The following MSH3 variants were observed in gnomAD, a reference collection of about 807,000 sequenced individuals.
MSH3 encodes mutS homolog 3, also known as DNA mismatch repair protein Msh3.
In MSH3, 106 loss-of-function variants were observed where a neutral mutation model predicts 123.3. The observed-to-expected ratio is 0.86, with a 90% CI of 0.73 to 1.01. The LOEUF (loss-of-function observed/expected upper bound fraction) is 1.01, where lower values mean the gene tolerates loss of function less well. Among genes scored for constraint, MSH3 ranks in the 50% least tolerant of loss-of-function variants. The pLI is 0.00. For missense variants in MSH3, 1,459 were observed against 1,347.6 expected (o/e 1.08, Z -1.29); for synonymous variants, 515 against 481.4 (o/e 1.07, Z -0.91).
At chr5:80,723,564 G>T (rs975788980) in intron 8 of MSH3, among the ~76,000 whole-genome samples, 3 of 152,108 alleles carry the variant, frequency 2.0e-5, no homozygotes, top group Non-Finnish European at 4.4e-5. Context: ...CTTAGCTGCT[G>T]TTAAAATGTA....
intron 12 of MSH3, among the ~76,000 whole-genome samples, chr5:80,749,588 T>G (rs1273473295): frequency 6.6e-6 from 1 of 152,172 alleles, no homozygotes; most frequent in Non-Finnish European, 1.5e-5. Context: ...CCAATCAAGT[T>G]GACATTCAGT....
At chr5:80,798,744 G>A (rs1487350255) in intron 19 of MSH3, among the ~76,000 whole-genome samples, 2 of 152,168 alleles carry the variant, frequency 1.3e-5, no homozygotes, top group East Asian at 1.9e-4. Context: ...ACAATGGATA[G>A]AGAAGGACAT....
chr5:80,764,416 C>T (rs938929944), intron 13 of MSH3, among the ~76,000 whole-genome samples: 2 of 151,862 alleles, frequency 1.3e-5, no homozygotes, highest in African/African-American at 4.8e-5. Flanking sequence ...CACTGTGTCA[C>T]CCATGCTGGA....
At chr5:80,802,332 T>C (rs1259513351) in intron 19 of MSH3, among the ~76,000 whole-genome samples, 2 of 152,108 alleles carry the variant, frequency 1.3e-5, no homozygotes, top group Non-Finnish European at 2.9e-5. Context: ...TATACCATAA[T>C]TGCCTTAATA....
At chr5:80,778,979 T>TA in intron 17 of MSH3, 143 bp downstream of exon 17, 7 of 566,352 alleles carry the variant, frequency 1.2e-5, no homozygotes, top group Middle Eastern at 4.8e-4. Context: ...TGATTTTATT[T>TA]CTTTTTTTTT....
chr5:80,787,647 G>C lies in MSH3; in HGVS notation c.2518G>C (p.Val840Leu), dbSNP rs1561478663. 6.2e-7 allele frequency: 1 copy of C among 1,613,758 alleles called. No homozygotes were observed. Among genetic ancestry groups the C allele is most frequent in the Non-Finnish European group, 8.5e-7 (1 of 1,179,730 alleles). Residue 840 changes from valine (V) to leucine (L), a missense_variant, in exon 18 of 24, where the codon GTC becomes CTC. Physicochemically the swap from Val to Leu is conservative, Grantham distance 32. Coordinates refer to ENST00000265081, the MANE Select transcript of MSH3 (RefSeq NM_002439.5). ...TGACTGCATTTTCTCCCTGGCCAAG[G>C]TCGCTAAGCAAGGAGATTACTGCAG... ...TVDCIFSLAK[V>L]AKQGDYCRPT...
chr5:80,811,411 G>A (rs1745004822), intron 19 of MSH3, among the ~76,000 whole-genome samples: 1 of 152,122 alleles, frequency 6.6e-6, no homozygotes, highest in Admixed American at 6.5e-5. Context: ...AACCAACTTT[G>A]TATTCCTCAA....
intron 12 of MSH3, among the ~76,000 whole-genome samples, chr5:80,754,776 C>T (rs1471040764): frequency 6.6e-6 from 1 of 152,110 alleles, no homozygotes; most frequent in Non-Finnish European, 1.5e-5. Context: ...TCAATGTTCT[C>T]TACATTAAAT....
chr5:80,654,877 C>A lies in MSH3; in HGVS notation c.150C>A (p.Gly50=), dbSNP rs774275160. ...GTGCAGCCGACCAGGTGGACCCTGG[C>A]GCTGCAGCGGCTGCAGCGGCCGCAG... The part of the protein sequence containing the change: ...STGAADQVDP[G]AAAAAAAAAA... Residue 50 remains glycine, a synonymous_variant, in exon 1 of 24, where the codon GGC becomes GGA. Coordinates refer to ENST00000265081, the MANE Select transcript of MSH3 (RefSeq NM_002439.5). 3 of 1,500,144 alleles carry A rather than the reference C, an allele frequency of 2.0e-6. No homozygotes were observed. The highest frequency in any genetic ancestry group is 1.7e-4 in the Middle Eastern group (1 of 5,770). 92.9% of individuals were successfully genotyped at this position (1,500,144 alleles called of 1,614,324 possible). A position where few individuals can be genotyped will look rare whatever the true frequency, so the allele number is the denominator to read the frequency against.
chr5:80,818,402 CAAA>C (rs71603566), intron 20 of MSH3, among the ~76,000 whole-genome samples: 4 of 63,828 alleles, frequency 6.3e-5, no homozygotes, highest in South Asian at 7.9e-4. Flanking sequence ...ATAGCAATGA[CAAA>C]AAAAAAAAAA....
In MSH3 at chr5:80,654,664, A is replaced by G; in HGVS notation, c.-64A>G. ...TGCTCGCGCCCGCAGACGCCTGGGA[A>G]CTGCGGCCGCGGGCTCGCGCTCCTC... On this transcript the variant is annotated 5_prime_UTR_variant, in exon 1 of 24. Coordinates refer to ENST00000265081, the MANE Select transcript of MSH3 (RefSeq NM_002439.5). The G allele has an allele frequency of 1.4e-6, 2 of 1,480,516 alleles. No homozygotes were observed. The highest frequency in any genetic ancestry group is 1.8e-6 in the Non-Finnish European group (2 of 1,092,896). 91.7% of individuals were successfully genotyped at this position (1,480,516 alleles called of 1,614,324 possible). A position where few individuals can be genotyped will look rare whatever the true frequency, so the allele number is the denominator to read the frequency against.
At chr5:80,809,176 A>G (rs1040101907) in intron 19 of MSH3, among the ~76,000 whole-genome samples, 78 of 151,946 alleles carry the variant, frequency 5.1e-4, no homozygotes, top group African/African-American at 1.9e-3. Context: ...ATTGTTTTAA[A>G]CTTTACAAAA....
rs558851573 is a variant in MSH3, at chr5:80,837,821, G to A, written c.2814-16309G>A. 1.6e-4 allele frequency among the ~76,000 whole-genome samples: 25 copies of A among 152,298 alleles called. No individual in the cohort carries two copies. In the South Asian group the frequency reaches 3.9e-3, roughly 24 times the overall value. Reference sequence around the variant, plus strand: ...TAGGGTTGTGTGAGGCTGTGGTTAAGGTATTGGCCAGGGTGGGATTCTCAC... The same window carrying A: ...TAGGGTTGTGTGAGGCTGTGGTTAAAGTATTGGCCAGGGTGGGATTCTCAC... On this transcript the variant is annotated intron_variant, in intron 20 of 23. Coordinates refer to ENST00000265081, the MANE Select transcript of MSH3 (RefSeq NM_002439.5).
chr5:80,802,436 G>A (rs1744805814), intron 19 of MSH3, among the ~76,000 whole-genome samples: 1 of 151,414 alleles, frequency 6.6e-6, no homozygotes, highest in Non-Finnish European at 1.5e-5. Context: ...CAAAAATTGG[G>A]GGCACATAGT....
chr5:80,768,912 G>A lies in MSH3; in HGVS notation c.2162G>A (p.Gly721Asp), dbSNP rs761901103. The change falls in exon 15 of 24, where the codon GGT becomes GAT. Residue 721 changes from glycine to aspartate, a missense_variant. Coordinates refer to ENST00000265081, the MANE Select transcript of MSH3 (RefSeq NM_002439.5). The part of the protein sequence containing the change: ...LIKKRKDEIQ[G>D]VIDEIRMHLQ... ...AAAAAGAGGAAGGATGAAATTCAAG[G>A]TGTTATTGACGAGATCCGAATGCAT... is the stretch of plus-strand genomic sequence containing the variant. The A allele has an allele frequency of 1.9e-6, 3 of 1,612,256 alleles. No individual in the cohort carries two copies. Among genetic ancestry groups the A allele is most frequent in the Non-Finnish European group, 2.5e-6 (3 of 1,178,678 alleles).
chr5:80,753,214 C>A (rs1171840622), intron 12 of MSH3, among the ~76,000 whole-genome samples: 1 of 152,094 alleles, frequency 6.6e-6, no homozygotes, highest in African/African-American at 2.4e-5. Context: ...TGTTTTCCAG[C>A]ACATCTTGCA....
chr5:80,679,546 T>TA (rs1397340076), intron 8 of MSH3, among the ~76,000 whole-genome samples: 1 of 152,252 alleles, frequency 6.6e-6, no homozygotes, highest in African/African-American at 2.4e-5. Flanking sequence ...GTTCACTTCT[T>TA]ACAAAGTTTA....
At chr5:80,697,827 G>T (rs572466275) in intron 8 of MSH3, among the ~76,000 whole-genome samples, 2 of 152,214 alleles carry the variant, frequency 1.3e-5, no homozygotes, top group South Asian at 4.1e-4. Flanking sequence ...CTTTTTAAAG[G>T]TATTTTATCC....
rs1253552499 is a variant in MSH3 at position 80,672,395 on chromosome 5, T to C, written c.909+35T>C. The C allele has an allele frequency of 3.4e-6, 5 of 1,478,634 alleles. No individual in the cohort carries two copies. The South Asian group carries it at 3.4e-5, about 10-fold the overall frequency. 91.6% of individuals were successfully genotyped at this position (1,478,634 alleles called of 1,614,324 possible). ...GGCTTTAACTTGTGGGGAAAGGAAA[T>C]TGGGATTCTCCTCCAGAGAGTGCAA... On this transcript the variant is annotated intron_variant, in intron 5 of 23. Transcript: ENST00000265081.
Sources: gnomAD v4.1 joint callset for allele counts (sites outside exome capture counted in the v4.1 genomes callset) on GRCh38, gnomAD v4.1.1 for gene constraint, MANE v1.5 for transcripts, NCBI Gene and HGNC (gene_info 2026-07-23, HGNC 2026-07-21) for gene names.